The following UNC79 variants were observed in gnomAD, a reference collection of about 807,000 sequenced individuals.
UNC79 encodes protein unc-79 homolog.
Under a neutral mutation model 283.1 loss-of-function variants are expected in UNC79, and 37 were observed. The observed-to-expected ratio is 0.13, with a 90% CI of 0.10 to 0.17. The LOEUF is 0.17. UNC79 is among the 10% of genes least tolerant of loss of function. The pLI is 1.00. For missense variants in UNC79, 2,272 were observed against 3,211.1 expected (o/e 0.71, Z 7.07); for synonymous variants, 1,107 against 1,200.2 (o/e 0.92, Z 1.61).
chr14:93,637,308 A>T lies in UNC79; in HGVS notation c.5800+9A>T. Reference sequence around the variant, plus strand: ...GCCATTGAGGATGAGAGGTTAGTTGAGTCACAGAGTCTCTGGCTGTAAAAG... The same window carrying T: ...GCCATTGAGGATGAGAGGTTAGTTGTGTCACAGAGTCTCTGGCTGTAAAAG... On this transcript the variant is annotated intron_variant, in intron 32 of 48. Coordinates refer to ENST00000555664, the Ensembl canonical transcript of UNC79. 6.2e-7 allele frequency: 1 copy of T among 1,613,598 alleles called. No homozygotes were observed. The highest frequency in any genetic ancestry group is 8.5e-7 in the Non-Finnish European group (1 of 1,179,866).
At chr14:93,673,591 A>G in intron 41 of UNC79, 136 bp downstream of exon 44, 1 of 630,646 alleles carries the variant, frequency 1.6e-6, no homozygotes, top group African/African-American at 1.9e-5. Context: ...TATATGGACC[A>G]TGATCTAACT....
intron 46 of UNC79, among the ~76,000 whole-genome samples, chr14:93,693,684 T>A (rs1009312789): frequency 6.6e-6 from 1 of 152,132 alleles, no homozygotes; most frequent in African/African-American, 2.4e-5. Flanking sequence ...TTATTGCCGA[T>A]GAAGACACTG....
chr14:93,543,898 CT>C (rs1432242414), intron 14 of UNC79, among the ~76,000 whole-genome samples: 1 of 152,124 alleles, frequency 6.6e-6, no homozygotes, highest in Non-Finnish European at 1.5e-5. Context: ...ATAGGGGTAA[CT>C]TTTATTGGAT....
At chr14:93,689,993 G>A (rs1255154318) in intron 44 of UNC79, 124 bp from the exon 48 acceptor site, 28 of 1,060,966 alleles carry the variant, frequency 2.6e-5, no homozygotes, top group Admixed American at 9.3e-5. Context: ...TTGCCTTGGC[G>A]TTTTGTTTTA....
rs988453527 is a variant in UNC79 at position 93,572,226 on chromosome 14, C to G, written c.1946+142C>G. On this transcript the variant is annotated intron_variant, in intron 15 of 48. Coordinates refer to ENST00000555664, the Ensembl canonical transcript of UNC79. ...ACCACCCTGTGGAGAAACTTGAAGC[C>G]CCAACATGAAATAGCTGCAATACCT... 9 of 882,884 alleles carry G rather than the reference C, an allele frequency of 1.0e-5. No homozygotes were observed. In the Admixed American group the frequency reaches 2.5e-4, roughly 24 times the overall value. The allele number at this position is 882,884 out of a possible 1,614,324, so 54.7% of individuals were successfully genotyped here.
At chr14:93,540,943 T>G (rs2061343074) in intron 13 of UNC79, 112 bp downstream of exon 13, 2 of 1,367,430 alleles carry the variant, frequency 1.5e-6, no homozygotes, top group Non-Finnish European at 2.0e-6. Flanking sequence ...AAAATTAACC[T>G]TAGCAATGGG....
intron 1 of UNC79, among the ~76,000 whole-genome samples, chr14:93,399,840 A>G (rs944124948): frequency 6.6e-6 from 1 of 152,138 alleles, no homozygotes; most frequent in Non-Finnish European, 1.5e-5. Context: ...GCATATATAC[A>G]TGTGTGTGTA....
At chr14:93,659,137 C>A in intron 38 of UNC79, 56 bp from the exon 42 acceptor site, 1 of 1,417,804 alleles carries the variant, frequency 7.1e-7, no homozygotes, top group Non-Finnish European at 9.7e-7. Context: ...ATATTTGAAG[C>A]AAAAGTTATA....
At chr14:93,402,288 A>G (rs1165133622) in intron 1 of UNC79, among the ~76,000 whole-genome samples, 3 of 148,072 alleles carry the variant, frequency 2.0e-5, no homozygotes, top group Non-Finnish European at 3.0e-5. Context: ...AAAAAAAAAA[A>G]AAAAAAGAAA....
chr14:93,691,920 C>T, exon 46 of UNC79: 11 of 1,614,208 alleles, frequency 6.8e-6, no homozygotes, highest in Non-Finnish European at 9.3e-6. Context: ...ACCCAGCATC[C>T]TTCAGCTAAT....
intron 5 of UNC79, among the ~76,000 whole-genome samples, chr14:93,489,807 G>A (rs897285844): frequency 4.6e-5 from 7 of 152,272 alleles, no homozygotes; most frequent in African/African-American, 1.7e-4. Flanking sequence ...TGGCTTGCTG[G>A]GCATTGCCCT....
At chr14:93,488,654 G>A (rs1185729496) in intron 5 of UNC79, among the ~76,000 whole-genome samples, 1 of 152,174 alleles carries the variant, frequency 6.6e-6, no homozygotes, top group Non-Finnish European at 1.5e-5. Context: ...AATATAAACG[G>A]AGTGGCTGAT....
chr14:93,586,397 C>A (rs1028124519), intron 20 of UNC79, among the ~76,000 whole-genome samples, 199 bp from the exon 21 acceptor site: 2 of 152,198 alleles, frequency 1.3e-5, no homozygotes, highest in East Asian at 1.9e-4. Flanking sequence ...AACTGAGAAT[C>A]CTCAATTCAG....
rs201026597 is a variant in UNC79 at position 93,622,185 on chromosome 14, C to T, written c.4952C>T (p.Thr1651Met). The T allele has an allele frequency of 4.5e-5, 72 of 1,614,002 alleles. No individual in the cohort carries two copies. The East Asian group carries it at 4.9e-4, about 11-fold the overall frequency. Residue 1651 changes from threonine to methionine, a missense_variant, in exon 30 of 49, where the codon ACG (threonine) becomes ATG (methionine). By Grantham distance (81) the Thr-to-Met change is moderately conservative. Coordinates refer to ENST00000555664, the Ensembl canonical transcript of UNC79. ...GTCGAGAGTGACGAAGAAGAGGAGA[C>T]GATGAACCAAGGCGATGACGGCCCC...
At chr14:93,424,256 A>G (rs1018776513) in intron 1 of UNC79, among the ~76,000 whole-genome samples, 1 of 151,922 alleles carries the variant, frequency 6.6e-6, no homozygotes. Flanking sequence ...ACCCTCATAC[A>G]CTCTTGGTGG....
chr14:93,399,374 G>C (rs527492646), intron 1 of UNC79, among the ~76,000 whole-genome samples: 17 of 152,202 alleles, frequency 1.1e-4, no homozygotes, highest in African/African-American at 4.1e-4. Context: ...TTTTAAATAG[G>C]AATTCCGCCG....
chr14:93,538,872 G>A (rs1318793254), intron 12 of UNC79, among the ~76,000 whole-genome samples: 2 of 146,912 alleles, frequency 1.4e-5, no homozygotes, highest in Non-Finnish European at 3.0e-5. Context: ...GATACTCATA[G>A]AGGCAAGATT....
Position 93,582,172 on chromosome 14 carries a change from C to T in UNC79, c.2662-31C>T, listed in dbSNP as rs2063868479. On this transcript the variant is annotated intron_variant, in intron 19 of 48. Coordinates refer to ENST00000555664, the Ensembl canonical transcript of UNC79. ...CGTTCCTGACACCCCTCCAGGGCTG[C>T]TTACCTGGCTGCCTGTCCTGTTTAT... 3 of 1,613,868 alleles carry T rather than the reference C, an allele frequency of 1.9e-6. No individual in the cohort carries two copies. In the Admixed American group the frequency reaches 5.0e-5, roughly 27 times the overall value.
chr14:93,454,967 A>T (rs1272694727), intron 1 of UNC79, among the ~76,000 whole-genome samples: 1 of 152,204 alleles, frequency 6.6e-6, no homozygotes, highest in Non-Finnish European at 1.5e-5. Context: ...GATGTTGATG[A>T]TGCTAATGAT....
Sources: allele counts gnomAD v4.1 joint callset (sites outside exome capture counted in the v4.1 genomes callset), GRCh38; gene constraint gnomAD v4.1.1; transcripts MANE v1.5; gene names NCBI Gene and HGNC (gene_info 2026-07-23, HGNC 2026-07-21).